The following TMEM164 variants were observed in gnomAD, a reference collection of about 807,000 sequenced individuals.
The protein encoded by TMEM164 is transmembrane protein 164.
TMEM164 carries 4 observed loss-of-function variants against 18.8 expected under a neutral mutation model. The ratio of observed to expected loss-of-function variants is 0.21; its 90% CI spans 0.10 to 0.49. The LOEUF (loss-of-function observed/expected upper bound fraction) is 0.49, where lower values mean the gene tolerates loss of function less well. TMEM164 is among the 20% of genes least tolerant of loss of function. TMEM164 has a pLI of 0.98. For missense variants in TMEM164, 108 were observed against 239.9 expected (o/e 0.45, Z 3.63); for synonymous variants, 86 against 101.7 (o/e 0.85, Z 0.93).
intron 2 of TMEM164, among the ~76,000 whole-genome samples, chrX:110,045,505 C>G (rs953684618): frequency 5.4e-5 from 6 of 111,772 alleles, no homozygotes; most frequent in Non-Finnish European, 1.1e-4. Flanking sequence ...ACAAACCACT[C>G]TGTGCCAGCT....
At chrX:110,089,341 G>A (rs2065894729) in intron 3 of TMEM164, among the ~76,000 whole-genome samples, 1 of 111,004 alleles carries the variant, frequency 9.0e-6, no homozygotes, top group Non-Finnish European at 1.9e-5. Context: ...GAGATTACAG[G>A]CACTGCCACC....
At chrX:110,143,804 G>GGT (rs759024255) in intron 4 of TMEM164, among the ~76,000 whole-genome samples, 2,221 of 102,971 alleles carry the variant, frequency 0.022, 32 homozygotes, top group East Asian at 0.051. Flanking sequence ...CATACTTTGG[G>GGT]GTGTGTGTGT....
rs193264742 is a variant in TMEM164 at position 110,157,926 on chromosome X, G to A, written c.586+13050G>A. ...TGATGAGATGGAGTCTCATCCTGCCGTCCAGGCTGGAGTGCAATGGCGAGA... is the reference window on the plus strand; with the variant it reads ...TGATGAGATGGAGTCTCATCCTGCCATCCAGGCTGGAGTGCAATGGCGAGA... On this transcript the variant is annotated intron_variant, in intron 5 of 6. Coordinates refer to ENST00000372068, the MANE Select transcript of TMEM164 (RefSeq NM_032227.4). Among the ~76,000 whole-genome samples, 311 of 111,433 alleles carry A rather than the reference G, an allele frequency of 2.8e-3. 2 individuals are homozygous for A. The highest frequency in any genetic ancestry group is 5.1e-3 in the Non-Finnish European group (268 of 53,054).
rs549697944 is a variant in TMEM164 at position 110,035,676 on chromosome X, G to A, written c.390+31512G>A. ...CCATCACCGCGGCCAGCTAATTTTT[G>A]TATTTTTTAGTAGAGATGGGGTTTT... is the stretch of plus-strand genomic sequence containing the variant. On this transcript the variant is annotated intron_variant, in intron 2 of 6. Coordinates refer to ENST00000372068, the MANE Select transcript of TMEM164 (RefSeq NM_032227.4). Among the ~76,000 whole-genome samples the A allele has an allele frequency of 5.5e-5, 6 of 110,009 alleles. No individual in the cohort carries two copies. In the South Asian group the frequency reaches 1.6e-3, roughly 28 times the overall value.
intron 2 of TMEM164, among the ~76,000 whole-genome samples, chrX:110,053,695 G>C (rs1407213801): frequency 9.0e-6 from 1 of 111,282 alleles, no homozygotes; most frequent in African/African-American, 3.3e-5. Flanking sequence ...GGTTGGCCTA[G>C]GCTCTGTTAC....
At chrX:110,066,520 G>T (rs1198438231) in intron 2 of TMEM164, among the ~76,000 whole-genome samples, 2 of 112,583 alleles carry the variant, frequency 1.8e-5, no homozygotes, top group Non-Finnish European at 3.8e-5. Flanking sequence ...GATTTCTGGA[G>T]TCCCATACTT....
intron 2 of TMEM164, 98 bp from the exon 3 acceptor site, chrX:110,067,249 A>C (rs2065515690): frequency 2.3e-6 from 2 of 856,122 alleles, no homozygotes; most frequent in Admixed American, 4.8e-5. Flanking sequence ...TTATTGTGTT[A>C]GAGTTTTGGT....
At chrX:110,044,900 T>G (rs1395290808) in intron 2 of TMEM164, among the ~76,000 whole-genome samples, 1 of 111,105 alleles carries the variant, frequency 9.0e-6, no homozygotes, top group Non-Finnish European at 1.9e-5. Context: ...GAAGGCTATC[T>G]GGGGGATGAG....
At chrX:110,132,255 C>A (rs2066623528) in intron 4 of TMEM164, among the ~76,000 whole-genome samples, 1 of 111,557 alleles carries the variant, frequency 9.0e-6, no homozygotes, top group Non-Finnish European at 1.9e-5. Context: ...CCATGTATAG[C>A]CTGCTTTAAT....
chrX:110,065,809 G>A (rs1223470630), intron 2 of TMEM164, among the ~76,000 whole-genome samples: 1 of 111,763 alleles, frequency 8.9e-6, no homozygotes, highest in African/African-American at 3.3e-5. Flanking sequence ...ATTTTTATGG[G>A]AAACATATGA....
intron 3 of TMEM164, among the ~76,000 whole-genome samples, chrX:110,093,760 G>T (rs939718638): frequency 1.4e-4 from 16 of 111,517 alleles, no homozygotes; most frequent in Middle Eastern, 9.1e-3. Context: ...TGCTTCTCTA[G>T]TTCTTTTAAC....
intron 3 of TMEM164, among the ~76,000 whole-genome samples, chrX:110,093,817 G>A (rs1298797846): frequency 9.0e-6 from 1 of 111,654 alleles, no homozygotes; most frequent in Non-Finnish European, 1.9e-5. Context: ...TTCTCTTGTG[G>A]GCATTTAGTG....
intron 2 of TMEM164, among the ~76,000 whole-genome samples, chrX:110,066,983 C>T (rs762029642): frequency 7.2e-5 from 8 of 111,701 alleles, no homozygotes; most frequent in African/African-American, 2.3e-4. Context: ...GATAAACCCA[C>T]CTTCTCCCCT....
At chrX:110,067,428 C>T in intron 3 of TMEM164, 32 bp downstream of exon 3, 3 of 1,177,475 alleles carry the variant, frequency 2.5e-6, no homozygotes, top group Non-Finnish European at 3.5e-6. Flanking sequence ...CTCTGTTGCT[C>T]TTCAGAGTAT....
intron 2 of TMEM164, among the ~76,000 whole-genome samples, chrX:110,027,581 G>A (rs1479186067): frequency 9.1e-6 from 1 of 109,697 alleles, no homozygotes; most frequent in African/African-American, 3.3e-5. Context: ...CCAATATGGT[G>A]AAACCCCATC....
chrX:110,133,974 G>A (rs2066648724), intron 4 of TMEM164, among the ~76,000 whole-genome samples: 2 of 112,103 alleles, frequency 1.8e-5, no homozygotes, highest in African/African-American at 3.2e-5. Flanking sequence ...AGCTCTTGTA[G>A]AGTATCTAAT....
rs753938269 is a variant in TMEM164 at position 110,092,755 on chromosome X, T to G, written c.441-16325T>G. ...GAGCTTCCAACACTCTGTTGAATAG[T>G]AGTGGTGAGAGAGGGCATCCCTGTC... is the stretch of plus-strand genomic sequence containing the variant. On this transcript the variant is annotated intron_variant, in intron 3 of 6. Coordinates refer to ENST00000372068, the MANE Select transcript of TMEM164 (RefSeq NM_032227.4). Among the ~76,000 whole-genome samples, 100 of 111,935 alleles carry G rather than the reference T, an allele frequency of 8.9e-4. 1 individual carries two copies. The highest frequency in any genetic ancestry group is 1.5e-3 in the Non-Finnish European group (79 of 53,138).
chrX:110,008,122 G>A (rs1198895126), intron 2 of TMEM164, among the ~76,000 whole-genome samples: 4 of 111,916 alleles, frequency 3.6e-5, no homozygotes, highest in African/African-American at 1.3e-4. Context: ...AACCAAATAT[G>A]GCTTACCCGC....
intron 4 of TMEM164, among the ~76,000 whole-genome samples, chrX:110,124,192 C>CAGGCAGGCAGGA (rs1569339724): frequency 1.1e-5 from 1 of 90,689 alleles, no homozygotes; most frequent in African/African-American, 4.3e-5. Context: ...GGAAGGCAGG[C>CAGGCAGGCAGGA]AGGCAGGCAG....
Sources: gnomAD v4.1 joint callset for allele counts (sites outside exome capture counted in the v4.1 genomes callset) on GRCh38, gnomAD v4.1.1 for gene constraint, MANE v1.5 for transcripts, NCBI Gene and HGNC (gene_info 2026-07-23, HGNC 2026-07-21) for gene names.